Variants in CDH12 observed in about 807,000 individuals in gnomAD.
CDH12 encodes cadherin 12, also known as cadherin-12.
A neutral mutation model predicts 74.1 loss-of-function variants in CDH12; 41 were observed. The observed-to-expected ratio is 0.55, with a 90% CI of 0.43 to 0.72. CDH12 has a LOEUF of 0.72. Ranked by LOEUF, CDH12 falls within the 30% of genes least tolerant of loss-of-function variation. The pLI, the probability that CDH12 is intolerant of heterozygous loss-of-function variation, is 0.00. For synonymous variants in CDH12, 399 were observed against 355.0 expected, an observed-to-expected ratio of 1.12 and a Z score of -1.39; for missense variants, 945 against 977.2, an observed-to-expected ratio of 0.97 and a Z score of 0.44.
At chr5:22,267,297 C>A (rs1580462858) in intron 3 of CDH12, among the ~76,000 whole-genome samples, 1 of 152,104 alleles carries the variant, frequency 6.6e-6, no homozygotes, top group South Asian at 2.1e-4. Context: ...TGTTTTAATT[C>A]CTCAGAGTTC....
intron 10 of CDH12, among the ~76,000 whole-genome samples, chr5:21,789,735 C>T (rs1023470835): frequency 6.6e-6 from 1 of 152,038 alleles, no homozygotes; most frequent in Non-Finnish European, 1.5e-5. Flanking sequence ...TTCTTTAATG[C>T]TAATAATATT....
At chr5:22,216,255 A>G (rs1751799461) in intron 3 of CDH12, among the ~76,000 whole-genome samples, 1 of 152,020 alleles carries the variant, frequency 6.6e-6, no homozygotes, top group African/African-American at 2.4e-5. Flanking sequence ...TGAAGAAAAA[A>G]TTACTCTGAG....
chr5:22,182,528 G>A (rs1749702872), intron 4 of CDH12, among the ~76,000 whole-genome samples: 1 of 152,152 alleles, frequency 6.6e-6, no homozygotes, highest in Non-Finnish European at 1.5e-5. Flanking sequence ...GCTGTATTGA[G>A]GTAACTATGC....
chr5:21,870,319 G>T (rs1371660598), intron 6 of CDH12, among the ~76,000 whole-genome samples: 5 of 152,156 alleles, frequency 3.3e-5, no homozygotes, highest in African/African-American at 1.2e-4. Context: ...GAGGAGATTT[G>T]CATGTGAGTC....
At chr5:22,113,110 T>C (rs1267867037) in intron 4 of CDH12, among the ~76,000 whole-genome samples, 2 of 152,166 alleles carry the variant, frequency 1.3e-5, no homozygotes, top group Non-Finnish European at 2.9e-5. Flanking sequence ...AGATGGGTGT[T>C]ATTTAACCCT....
At chr5:22,684,635 T>C (rs946582871) in intron 1 of CDH12, among the ~76,000 whole-genome samples, 14 of 152,172 alleles carry the variant, frequency 9.2e-5, no homozygotes, top group African/African-American at 3.4e-4. Flanking sequence ...CAGAGAAATC[T>C]CTCAAAGAAA....
chr5:21,752,904 C>T (rs1277770708), intron 14 of CDH12, among the ~76,000 whole-genome samples: 5 of 152,072 alleles, frequency 3.3e-5, no homozygotes, highest in South Asian at 4.1e-4. Context: ...CTGTGTCCTG[C>T]CATATTGAGA....
At position 21,783,393 on chromosome 5, in the gene CDH12, G is replaced by A. The variant is rs143124599; in HGVS notation, c.1358C>T (p.Ala453Val). The A allele has an allele frequency of 4.0e-5, 64 of 1,612,548 alleles. No homozygotes were observed. The highest frequency in any genetic ancestry group is 2.5e-4 in the African/African-American group (19 of 74,974). The change falls in exon 11 of 15, where the codon GCG becomes GTG. Residue 453 changes from alanine (A) to valine (V), a missense_variant. Ala to Val is a moderately conservative substitution (Grantham distance 64). Coordinates refer to ENST00000382254, the MANE Select transcript of CDH12 (RefSeq NM_004061.5). ...TNELLDREST[A>V]QYNFSIIASK... ...CGCAATTATGGAGAAATTATACTGCGCAGTGCTTTCTCTGTCTAGTAATTC... is the reference window on the plus strand; with the variant it reads ...CGCAATTATGGAGAAATTATACTGCACAGTGCTTTCTCTGTCTAGTAATTC...
intron 2 of CDH12, among the ~76,000 whole-genome samples, chr5:22,477,037 G>A (rs753950833): frequency 1.3e-5 from 2 of 152,034 alleles, no homozygotes; most frequent in Admixed American, 6.6e-5. Context: ...CTTTATCCAC[G>A]TATCTCAACG....
At chr5:22,275,686 A>G (rs192260839) in intron 3 of CDH12, among the ~76,000 whole-genome samples, 167 of 152,308 alleles carry the variant, frequency 1.1e-3, no homozygotes, top group Middle Eastern at 6.8e-3. Context: ...GCCCAAACTC[A>G]TTTATGTTGT....
At position 22,203,109 on chromosome 5, in the gene CDH12, G is replaced by A. The variant is rs528806767; in HGVS notation, c.-187+9389C>T. ...AATTTATCATTTGTTTGTGGTGAGA[G>A]CATTCAAAATTTTCTCTTGTAGCTA... is the stretch of plus-strand genomic sequence containing the variant. On this transcript the variant is annotated intron_variant, in intron 4 of 14. Transcript: ENST00000382254. 7.6e-4 allele frequency among the ~76,000 whole-genome samples: 116 copies of A among 152,214 alleles called. 1 individual carries two copies. Among genetic ancestry groups the A allele is most frequent in the African/African-American group, 2.7e-3 (114 of 41,512 alleles).
chr5:21,931,856 G>T (rs1483212317), intron 6 of CDH12, among the ~76,000 whole-genome samples: 1 of 152,134 alleles, frequency 6.6e-6, no homozygotes, highest in South Asian at 2.1e-4. Flanking sequence ...CATTAGTAAA[G>T]ATTTCATTGA....
At chr5:22,322,599 G>A (rs1403678329) in intron 3 of CDH12, among the ~76,000 whole-genome samples, 1 of 152,156 alleles carries the variant, frequency 6.6e-6, no homozygotes, top group East Asian at 1.9e-4. Flanking sequence ...ATACACGGAG[G>A]TTGAAAAATC....
chr5:22,050,051 TG>T (rs1462542154), intron 5 of CDH12, among the ~76,000 whole-genome samples: 1 of 152,158 alleles, frequency 6.6e-6, no homozygotes, highest in African/African-American at 2.4e-5. Context: ...TCACATCATT[TG>T]TTTCCCCTCC....
chr5:21,819,210 T>A (rs1171596438), intron 8 of CDH12, among the ~76,000 whole-genome samples: 1 of 152,120 alleles, frequency 6.6e-6, no homozygotes. Context: ...TTTCTTTAGA[T>A]CATAAATATT....
At chr5:22,833,772 TC>T (rs1312060580) in intron 1 of CDH12, among the ~76,000 whole-genome samples, 1 of 152,202 alleles carries the variant, frequency 6.6e-6, no homozygotes, top group African/African-American at 2.4e-5. Flanking sequence ...TTTGATTAAA[TC>T]AAGATGTATT....
At chr5:22,140,907 G>T (rs1420294359) in intron 4 of CDH12, among the ~76,000 whole-genome samples, 1 of 152,106 alleles carries the variant, frequency 6.6e-6, no homozygotes, top group African/African-American at 2.4e-5. Context: ...TCACATTTCA[G>T]GTCCTTCACA....
intron 1 of CDH12, among the ~76,000 whole-genome samples, chr5:22,723,609 C>T (rs1744010776): frequency 6.6e-6 from 1 of 152,096 alleles, no homozygotes; most frequent in African/African-American, 2.4e-5. Flanking sequence ...CCTCCTGGCA[C>T]AATCATCATT....
chr5:21,820,992 G>T (rs538079954), intron 8 of CDH12, among the ~76,000 whole-genome samples: 1 of 151,936 alleles, frequency 6.6e-6, no homozygotes, highest in African/African-American at 2.4e-5. Flanking sequence ...ATTGTGCTTA[G>T]CCAAAATCTT....
Sources: gnomAD v4.1 joint callset for allele counts (sites outside exome capture counted in the v4.1 genomes callset) on GRCh38, gnomAD v4.1.1 for gene constraint, MANE v1.5 for transcripts, NCBI Gene and HGNC (gene_info 2026-07-23, HGNC 2026-07-21) for gene names.